The following MYOM1 variants were observed in gnomAD, a reference collection of about 807,000 sequenced individuals.
The protein encoded by MYOM1 is myomesin-1.
A neutral mutation model predicts 205.3 loss-of-function variants in MYOM1; 164 were observed. The ratio of observed to expected loss-of-function variants is 0.80; its 90% CI spans 0.70 to 0.91. The LOEUF is 0.91. Among genes scored for constraint, MYOM1 ranks in the 40% least tolerant of loss-of-function variants. The pLI is 0.00. For missense variants in MYOM1, 2,011 were observed against 2,127.3 expected, an observed-to-expected ratio of 0.95 and a Z score of 1.08; for synonymous variants, 772 against 789.4, an observed-to-expected ratio of 0.98 and a Z score of 0.37.
At chr18:3,137,189 T>C (rs2079983223) in intron 14 of MYOM1, among the ~76,000 whole-genome samples, 1 of 152,168 alleles carries the variant, frequency 6.6e-6, no homozygotes, top group Admixed American at 6.5e-5. Context: ...GACCTCGTGA[T>C]CCGCCCACCT....
intron 9 of MYOM1, among the ~76,000 whole-genome samples, chr18:3,166,277 T>A (rs995868778): frequency 2.1e-4 from 30 of 145,938 alleles, no homozygotes; most frequent in Non-Finnish European, 3.1e-4. Context: ...TTTTTTTTTT[T>A]TTTTTTTATT....
chr18:3,085,084 G>A lies in MYOM1; in HGVS notation c.4300C>T (p.Arg1434Ter), dbSNP rs759049538. Reference sequence around the variant, plus strand: ...TTCAGTCTGCTCTTATCTTTTCCTCGGTCATCTTTCAGGATAACTTCATAA... The same window carrying A: ...TTCAGTCTGCTCTTATCTTTTCCTCAGTCATCTTTCAGGATAACTTCATAA... ...GIYEVILKDD[R>*]GKDKSRLKLV... Residue 1434 changes from arginine (R) to a stop codon, truncating the protein, a stop_gained, in exon 31 of 38, where the codon CGA becomes TGA. Transcript: ENST00000356443. LOFTEE classifies it high-confidence loss of function. The A allele has an allele frequency of 4.4e-6, 7 of 1,608,990 alleles. No homozygotes were observed. Among genetic ancestry groups the A allele is most frequent in the South Asian group, 2.2e-5 (2 of 89,842 alleles).
At chr18:3,130,561 C>T (rs183098730) in intron 17 of MYOM1, among the ~76,000 whole-genome samples, 7 of 152,262 alleles carry the variant, frequency 4.6e-5, no homozygotes, top group East Asian at 1.9e-4. Flanking sequence ...AAGTGATCCA[C>T]GTGCCTCAGC....
At chr18:3,131,608 T>C (rs1176924854) in intron 16 of MYOM1, 112 bp from the exon 17 acceptor site, 2 of 1,000,822 alleles carry the variant, frequency 2.0e-6, no homozygotes, top group East Asian at 5.3e-5. Flanking sequence ...TTTTTTTTAT[T>C]GTGATTTATT....
At position 3,100,394 on chromosome 18, in the gene MYOM1, T is replaced by C; in HGVS notation, c.3608A>G (p.Asp1203Gly). 1 of 1,613,944 alleles carries C rather than the reference T, an allele frequency of 6.2e-7. No homozygotes were observed. Among genetic ancestry groups the C allele is most frequent in the Non-Finnish European group, 8.5e-7 (1 of 1,179,850 alleles). ...TKMTFKDLGMDDLGIYSCDVT... is the reference protein window; with the variant it reads ...TKMTFKDLGMGDLGIYSCDVT... ...ATCGCAAGAGTAAATACCCAAGTCA[T>C]CCATCCCAAGGTCTTTGAAGGTCAT... Residue 1203 changes from aspartate (D) to glycine (G), a missense_variant, in exon 24 of 38, where the codon GAT becomes GGT. By Grantham distance (94) the Asp-to-Gly change is moderately conservative (BLOSUM62 -1). Coordinates refer to ENST00000356443, the MANE Select transcript of MYOM1 (RefSeq NM_003803.4).
chr18:3,169,347 C>T (rs1312956428), intron 8 of MYOM1, among the ~76,000 whole-genome samples: 1 of 152,204 alleles, frequency 6.6e-6, no homozygotes, highest in African/African-American at 2.4e-5. Flanking sequence ...TTAAACTCTA[C>T]TGCTTGTACT....
intron 22 of MYOM1, among the ~76,000 whole-genome samples, chr18:3,105,738 C>A (rs377565527): frequency 3.9e-5 from 6 of 152,066 alleles, no homozygotes; most frequent in Non-Finnish European, 8.8e-5. Context: ...GTCTGTAATC[C>A]CAGCTACTTG....
chr18:3,235,476 C>A, the MYOM1 span, among the ~76,000 whole-genome samples: 1 of 152,240 alleles, frequency 6.6e-6, no homozygotes, highest in Admixed American at 6.5e-5. Flanking sequence ...ATCCCACTGA[C>A]CTTTGAAACA....
At chr18:3,191,113 C>G (rs1028683064) in intron 3 of MYOM1, among the ~76,000 whole-genome samples, 5 of 152,096 alleles carry the variant, frequency 3.3e-5, no homozygotes, top group African/African-American at 4.8e-5. Context: ...GACACAAAAG[C>G]AAAACTGTGA....
chr18:3,124,114 G>A (rs1244501423), intron 19 of MYOM1, among the ~76,000 whole-genome samples: 1 of 151,316 alleles, frequency 6.6e-6, no homozygotes, highest in Non-Finnish European at 1.5e-5. Context: ...TGAGACTACA[G>A]GTGCGAGCCA....
intron 25 of MYOM1, among the ~76,000 whole-genome samples, chr18:3,098,594 T>C (rs892104308): frequency 1.3e-5 from 2 of 152,086 alleles, no homozygotes; most frequent in East Asian, 3.9e-4. Flanking sequence ...AGCATTTCTA[T>C]ATGGGAGGTG....
chr18:3,151,787 C>A lies in MYOM1; in HGVS notation c.1750G>T (p.Val584Phe), dbSNP rs1463412933. 3 of 1,613,780 alleles carry A rather than the reference C, an allele frequency of 1.9e-6. No homozygotes were observed. The highest frequency in any genetic ancestry group is 2.5e-6 in the Non-Finnish European group (3 of 1,179,836). ...LIEGRSYIFR[V>F]RAVNKMGIGF... The stretch of plus-strand genomic sequence containing the variant: ...ATTCCCATTTTATTCACAGCTCGAA[C>A]TCGGAAGATATAGGAACGACCTTCG... Residue 584 changes from valine to phenylalanine, a missense_variant, in exon 12 of 38, where the codon GTT (valine) becomes TTT (phenylalanine). Transcript: ENST00000356443.
At chr18:3,182,502 A>G (rs2080749827) in intron 5 of MYOM1, among the ~76,000 whole-genome samples, 1 of 152,214 alleles carries the variant, frequency 6.6e-6, no homozygotes, top group Admixed American at 6.5e-5. Flanking sequence ...CTTCTCCACT[A>G]TTTCACATAA....
intron 8 of MYOM1, among the ~76,000 whole-genome samples, chr18:3,171,939 T>C (rs2080563386): frequency 2.0e-5 from 3 of 152,202 alleles, no homozygotes; most frequent in Non-Finnish European, 4.4e-5. Context: ...TTTGAAATAA[T>C]GGTTTAGAAT....
At position 3,152,022 on chromosome 18, in the gene MYOM1, G is replaced by A. The variant is rs545332541; in HGVS notation, c.1644-129C>T. 2.3e-5 allele frequency: 20 copies of A among 885,586 alleles called. No homozygotes were observed. In the East Asian group the frequency reaches 3.3e-4, roughly 15 times the overall value. The allele number at this position is 885,586 out of a possible 1,614,324, so 54.9% of individuals were successfully genotyped here. On this transcript the variant is annotated intron_variant, in intron 11 of 37. Coordinates refer to ENST00000356443, the MANE Select transcript of MYOM1 (RefSeq NM_003803.4). This position sits in a 1 kb window ranked among gnomAD's most constrained non-coding sequence, Gnocchi z 4.3. ...AAAATATCCAAGTCAGGCGTGGCTC[G>A]CTACCTGGTGAACTGCATGCAGGCA...
chr18:3,134,558 A>T (rs558809169), intron 16 of MYOM1, 92 bp downstream of exon 16: 275 of 1,367,052 alleles, frequency 2.0e-4, no homozygotes, highest in South Asian at 4.7e-4. Context: ...AAAATTTTTT[A>T]AAAAAATCTC....
At position 3,152,099 on chromosome 18, in the gene MYOM1, T is replaced by C. The variant is rs772899558; in HGVS notation, c.1644-206A>G. ...CTTCTTTACCAAGAGGAAAGAAGCC[T>C]CAGGTCCTTCCTGAACTCGTAAAAA... On this transcript the variant is annotated intron_variant, in intron 11 of 37. Transcript: ENST00000356443. The surrounding 1 kb of genome is among the most constrained non-coding windows in gnomAD (Gnocchi z 4.3). Among the ~76,000 whole-genome samples, 31 of 152,104 alleles carry C rather than the reference T, an allele frequency of 2.0e-4. No homozygotes were observed. The highest frequency in any genetic ancestry group is 3.7e-4 in the Non-Finnish European group (25 of 68,020).
chr18:3,208,134 A>G (rs1444328393), intron 2 of MYOM1, among the ~76,000 whole-genome samples: 1 of 152,222 alleles, frequency 6.6e-6, no homozygotes, highest in Non-Finnish European at 1.5e-5. Flanking sequence ...CTGTGTTTAC[A>G]GCTGAGGAAG....
chr18:3,121,253 A>T (rs891387604), intron 19 of MYOM1, among the ~76,000 whole-genome samples: 1 of 152,228 alleles, frequency 6.6e-6, no homozygotes, highest in African/African-American at 2.4e-5. Context: ...ATCTTCTGAA[A>T]AATCCAACCC....
Sources: allele counts gnomAD v4.1 joint callset (sites outside exome capture counted in the v4.1 genomes callset), GRCh38; gene constraint gnomAD v4.1.1; non-coding constraint Gnocchi (gnomAD v3.1); transcripts MANE v1.5; gene names NCBI Gene and HGNC (gene_info 2026-07-23, HGNC 2026-07-21).